Variants in PHLDB2 observed in about 807,000 individuals in gnomAD.
PHLDB2 encodes the protein pleckstrin homology-like domain family B member 2.
PHLDB2 carries 71 observed loss-of-function variants against 123.6 expected under a neutral mutation model. That is an observed-to-expected ratio of 0.57 (90% CI 0.47 to 0.70). PHLDB2 has a LOEUF of 0.70. Among genes scored for constraint, PHLDB2 ranks in the 30% least tolerant of loss-of-function variants. The pLI is 0.00. For synonymous variants in PHLDB2, 547 were observed against 541.6 expected, an observed-to-expected ratio of 1.01 and a Z score of -0.14; for missense variants, 1,446 against 1,519.5, an observed-to-expected ratio of 0.95 and a Z score of 0.80.
intron 2 of PHLDB2, among the ~76,000 whole-genome samples, chr3:111,892,167 G>A (rs1190405504): frequency 5.3e-5 from 8 of 152,152 alleles, no homozygotes; most frequent in African/African-American, 2.4e-5. Context: ...ACACACATAC[G>A]AATTTTTTCC....
chr3:111,736,036 C>A (rs1358399826), intron 1 of PHLDB2, among the ~76,000 whole-genome samples: 1 of 152,126 alleles, frequency 6.6e-6, no homozygotes, highest in Non-Finnish European at 1.5e-5. Flanking sequence ...TTCCCCCTTC[C>A]CACTCACACA....
chr3:111,899,812 C>T (rs1203192480), intron 2 of PHLDB2, among the ~76,000 whole-genome samples: 2 of 152,138 alleles, frequency 1.3e-5, no homozygotes, highest in African/African-American at 2.4e-5. Flanking sequence ...TTAATTGTGG[C>T]CCAGGCTGGT....
chr3:111,837,105 G>A (rs553706675), intron 1 of PHLDB2, among the ~76,000 whole-genome samples: 2 of 152,232 alleles, frequency 1.3e-5, no homozygotes, highest in South Asian at 4.2e-4. Flanking sequence ...CATTGTTATA[G>A]TAATGAAACT....
chr3:111,826,675 C>T (rs539564331), intron 1 of PHLDB2, among the ~76,000 whole-genome samples: 1 of 152,254 alleles, frequency 6.6e-6, no homozygotes, highest in South Asian at 2.1e-4. Context: ...ACAGTAATGC[C>T]GCAGTTTTGC....
chr3:111,950,760 A>G (rs1299403006), intron 10 of PHLDB2, among the ~76,000 whole-genome samples: 1 of 152,160 alleles, frequency 6.6e-6, no homozygotes, highest in African/African-American at 2.4e-5. Flanking sequence ...CTTTACCATC[A>G]ATTACCATTT....
At chr3:111,771,495 A>G (rs1201294972) in intron 1 of PHLDB2, among the ~76,000 whole-genome samples, 1 of 151,854 alleles carries the variant, frequency 6.6e-6, no homozygotes, top group Admixed American at 6.6e-5. Context: ...GTGTGCCACC[A>G]CGCCCAGCTA....
At chr3:111,732,922 T>C (rs1329270013) in intron 1 of PHLDB2, among the ~76,000 whole-genome samples, 1 of 152,216 alleles carries the variant, frequency 6.6e-6, no homozygotes, top group Non-Finnish European at 1.5e-5. Context: ...GTTGCTCCTG[T>C]ACGTATTTCA....
chr3:111,767,843 G>A (rs959908883), intron 1 of PHLDB2, among the ~76,000 whole-genome samples: 5 of 152,090 alleles, frequency 3.3e-5, no homozygotes, highest in African/African-American at 9.7e-5. Context: ...TTTAAATGTG[G>A]CTACTAAATT....
chr3:111,742,389 C>T (rs1193832955), intron 1 of PHLDB2, among the ~76,000 whole-genome samples: 1 of 152,008 alleles, frequency 6.6e-6, no homozygotes, highest in East Asian at 1.9e-4. Flanking sequence ...TATACATGTG[C>T]CATGTTGGTG....
At chr3:111,773,826 T>C (rs912399513) in intron 1 of PHLDB2, among the ~76,000 whole-genome samples, 2 of 152,248 alleles carry the variant, frequency 1.3e-5, no homozygotes, top group African/African-American at 2.4e-5. Flanking sequence ...ATTGGATCTT[T>C]ATTTCTAATA....
intron 1 of PHLDB2, among the ~76,000 whole-genome samples, chr3:111,807,031 C>T (rs183813733): frequency 6.6e-6 from 1 of 151,428 alleles, no homozygotes; most frequent in Non-Finnish European, 1.5e-5. Context: ...ATTCTCAGTC[C>T]AGGACTTAGC....
At chr3:111,808,971 A>T (rs553978738) in intron 1 of PHLDB2, among the ~76,000 whole-genome samples, 1 of 152,220 alleles carries the variant, frequency 6.6e-6, no homozygotes, top group Non-Finnish European at 1.5e-5. Flanking sequence ...GTACATACAC[A>T]TAAATAATAT....
At chr3:111,969,305 G>A (rs920483793) in intron 15 of PHLDB2, among the ~76,000 whole-genome samples, 2 of 152,136 alleles carry the variant, frequency 1.3e-5, no homozygotes, top group Non-Finnish European at 2.9e-5. Flanking sequence ...GCTGTGGCAG[G>A]GACAACTTCT....
At chr3:111,807,596 T>C (rs1203088440) in intron 1 of PHLDB2, among the ~76,000 whole-genome samples, 1 of 152,020 alleles carries the variant, frequency 6.6e-6, no homozygotes, top group Admixed American at 6.6e-5. Context: ...AGGCGCGTGA[T>C]TTTTTTAATT....
upstream of PHLDB2, among the ~76,000 whole-genome samples, chr3:111,858,929 C>G (rs9846313): frequency 0.62 from 94,185 of 152,074 alleles, 29,749 homozygotes; most frequent in Middle Eastern, 0.81. Context: ...GCTGGTGGAC[C>G]TCTACATCAG....
At chr3:111,742,595 A>G (rs1316193063) in intron 1 of PHLDB2, among the ~76,000 whole-genome samples, 1 of 152,140 alleles carries the variant, frequency 6.6e-6, no homozygotes, top group Non-Finnish European at 1.5e-5. Flanking sequence ...TTTGCTGAGA[A>G]TGATGGTTTC....
intron 1 of PHLDB2, among the ~76,000 whole-genome samples, chr3:111,797,843 G>A (rs901000604): frequency 6.6e-6 from 1 of 152,196 alleles, no homozygotes; most frequent in African/African-American, 2.4e-5. Flanking sequence ...CAATTGTAGA[G>A]AAATAGGGTA....
intron 1 of PHLDB2, among the ~76,000 whole-genome samples, chr3:111,804,932 A>G (rs1425138423): frequency 6.6e-6 from 1 of 152,182 alleles, no homozygotes; most frequent in Non-Finnish European, 1.5e-5. Context: ...TAAAATAAAA[A>G]GTTATTCATG....
intron 5 of PHLDB2, among the ~76,000 whole-genome samples, chr3:111,930,154 G>A (rs182215451): frequency 3.3e-5 from 5 of 151,432 alleles, no homozygotes; most frequent in African/African-American, 9.7e-5. Flanking sequence ...CCCGTGATCC[G>A]CCTGCCTCGG....
Sources: allele counts gnomAD v4.1 joint callset (sites outside exome capture counted in the v4.1 genomes callset), GRCh38; gene constraint gnomAD v4.1.1; transcripts MANE v1.5; gene names NCBI Gene and HGNC (gene_info 2026-07-23, HGNC 2026-07-21).